Variants in SBF2 observed in about 807,000 individuals in gnomAD.
SBF2 encodes the protein myotubularin-related protein 13.
SBF2 carries 112 observed loss-of-function variants against 225.2 expected under a neutral mutation model. That is an observed-to-expected ratio of 0.50 (90% confidence interval 0.43 to 0.58). The LOEUF is 0.58. Ranked by LOEUF, SBF2 falls within the 20% of genes least tolerant of loss-of-function variation. The pLI, the probability that SBF2 is intolerant of heterozygous loss-of-function variation, is 0.00. For synonymous variants in SBF2, 763 were observed against 773.3 expected, an observed-to-expected ratio of 0.99 and a Z score of 0.22; for missense variants, 1,996 against 2,206.2, an observed-to-expected ratio of 0.90 and a Z score of 1.91.
At chr11:10,274,765 A>G (rs932826352) in intron 1 of SBF2, among the ~76,000 whole-genome samples, 4 of 151,762 alleles carry the variant, frequency 2.6e-5, no homozygotes, top group South Asian at 2.1e-4. Context: ...AAAAAAAAAA[A>G]AAAGAAAGAA....
intron 1 of SBF2, among the ~76,000 whole-genome samples, chr11:10,215,439 C>T (rs1258782452): frequency 6.6e-6 from 1 of 152,170 alleles, no homozygotes; most frequent in African/African-American, 2.4e-5. Context: ...AGATTCCAAA[C>T]CAAGGTTAAT....
chr11:10,038,558 C>T (rs943775436), intron 3 of SBF2, among the ~76,000 whole-genome samples: 1 of 151,914 alleles, frequency 6.6e-6, no homozygotes, highest in Non-Finnish European at 1.5e-5. Context: ...TTATCTGTTT[C>T]ACTGAATGAT....
intron 6 of SBF2, among the ~76,000 whole-genome samples, chr11:10,019,918 T>A (rs1948785010): frequency 6.6e-6 from 1 of 152,182 alleles, no homozygotes. Flanking sequence ...ACCTCTGGCA[T>A]CTTTTCATCT....
At chr11:10,252,749 G>T (rs765578617) in intron 1 of SBF2, among the ~76,000 whole-genome samples, 1 of 39,892 alleles carries the variant, frequency 2.5e-5, no homozygotes, top group African/African-American at 7.0e-5. Context: ...GGCGGAGCTT[G>T]CAGCGAGCTT....
chr11:9,834,843 A>C (rs1159571862), intron 26 of SBF2, among the ~76,000 whole-genome samples: 2 of 152,204 alleles, frequency 1.3e-5, no homozygotes, highest in African/African-American at 2.4e-5. Context: ...ATCGGTAAAG[A>C]ACGAGCACAC....
chr11:10,148,736 G>A (rs1176109922), intron 2 of SBF2, among the ~76,000 whole-genome samples: 6 of 151,486 alleles, frequency 4.0e-5, no homozygotes, highest in Non-Finnish European at 7.4e-5. Flanking sequence ...AAGGATCACC[G>A]CATTTAGAAA....
intron 2 of SBF2, among the ~76,000 whole-genome samples, chr11:10,095,631 A>C (rs971988032): frequency 6.6e-6 from 1 of 152,232 alleles, no homozygotes; most frequent in African/African-American, 2.4e-5. Context: ...TTGATGAGTC[A>C]TGTTCCAAAG....
At chr11:9,977,518 G>A (rs1946753984) in intron 13 of SBF2, among the ~76,000 whole-genome samples, 1 of 151,954 alleles carries the variant, frequency 6.6e-6, no homozygotes, top group Admixed American at 6.6e-5. Flanking sequence ...GAATCATAGG[G>A]ATAGGGCAGG....
At chr11:9,907,195 A>C (rs1289378248) in intron 16 of SBF2, among the ~76,000 whole-genome samples, 3 of 152,192 alleles carry the variant, frequency 2.0e-5, no homozygotes, top group Non-Finnish European at 4.4e-5. Flanking sequence ...TCAAAAATTC[A>C]GCTATTTTCT....
intron 16 of SBF2, among the ~76,000 whole-genome samples, chr11:9,924,677 C>T (rs747065580): frequency 7.2e-5 from 11 of 152,198 alleles, no homozygotes; most frequent in Non-Finnish European, 1.5e-5. Flanking sequence ...GGCGATCCAC[C>T]CCCCTCAGCC....
intron 16 of SBF2, among the ~76,000 whole-genome samples, chr11:9,905,206 T>A (rs1862028244): frequency 6.6e-6 from 1 of 152,252 alleles, no homozygotes; most frequent in African/African-American, 2.4e-5. Context: ...TAGGAAATGC[T>A]TAGCATATCA....
At chr11:10,113,975 C>T (rs1269675670) in intron 2 of SBF2, among the ~76,000 whole-genome samples, 1 of 151,402 alleles carries the variant, frequency 6.6e-6, no homozygotes, top group Non-Finnish European at 1.5e-5. Flanking sequence ...AACAGGTACC[C>T]TTTACATTCC....
At chr11:10,121,382 T>C (rs888421563) in intron 2 of SBF2, among the ~76,000 whole-genome samples, 1 of 152,204 alleles carries the variant, frequency 6.6e-6, no homozygotes, top group Admixed American at 6.5e-5. Flanking sequence ...ATTCTGCTCT[T>C]AAGAAAGGAT....
At chr11:10,164,021 G>C (rs1037228713) in intron 2 of SBF2, among the ~76,000 whole-genome samples, 1 of 152,174 alleles carries the variant, frequency 6.6e-6, no homozygotes, top group African/African-American at 2.4e-5. Context: ...TATCAAGGTA[G>C]TGCTTCTCTC....
intron 2 of SBF2, among the ~76,000 whole-genome samples, chr11:10,173,127 G>A (rs13377397): frequency 0.095 from 14,523 of 152,204 alleles, 947 homozygotes; most frequent in East Asian, 0.28. Context: ...CAATGTTTTC[G>A]AATTTTTAAA....
intron 1 of SBF2, among the ~76,000 whole-genome samples, chr11:10,254,377 T>A (rs1171682945): frequency 6.8e-6 from 1 of 147,880 alleles, no homozygotes; most frequent in Non-Finnish European, 1.5e-5. Flanking sequence ...CGAGACCCTG[T>A]CTCAAAAGAA....
chr11:9,963,428 G>T (rs1419343647), intron 15 of SBF2, among the ~76,000 whole-genome samples: 1 of 152,070 alleles, frequency 6.6e-6, no homozygotes, highest in South Asian at 2.1e-4. Flanking sequence ...TCATGTCACT[G>T]TACTCCAGCC....
At chr11:9,874,912 A>G (rs1859090400) in intron 17 of SBF2, among the ~76,000 whole-genome samples, 1 of 152,262 alleles carries the variant, frequency 6.6e-6, no homozygotes, top group Admixed American at 6.5e-5. Context: ...TGTTATATGA[A>G]GAGAAAGGAG....
chr11:10,008,803 A>T (rs974380012), intron 6 of SBF2, among the ~76,000 whole-genome samples: 1 of 152,230 alleles, frequency 6.6e-6, no homozygotes, highest in Non-Finnish European at 1.5e-5. Context: ...AAACATCACT[A>T]TTGAAGGGAC....
Sources: allele counts gnomAD v4.1 joint callset (sites outside exome capture counted in the v4.1 genomes callset), GRCh38; gene constraint gnomAD v4.1.1; transcripts MANE v1.5; gene names NCBI Gene and HGNC (gene_info 2026-07-23, HGNC 2026-07-21).